The following SLX9 variants were observed in gnomAD, a reference collection of about 807,000 sequenced individuals.
SLX9 encodes SLX9 ribosome biogenesis factor, also known as ribosome biogenesis protein SLX9 homolog.
Under a neutral mutation model 20.8 loss-of-function variants are expected in SLX9, and 19 were observed. The ratio of observed to expected loss-of-function variants is 0.91; its 90% CI spans 0.64 to 1.34. SLX9 has a LOEUF of 1.34. SLX9 is among the 40% of genes most tolerant of loss of function. The pLI is 0.00. For synonymous variants in SLX9, 113 were observed against 137.1 expected, an observed-to-expected ratio of 0.82 and a Z score of 1.23; for missense variants, 299 against 322.2, an observed-to-expected ratio of 0.93 and a Z score of 0.55.
intron 2 of SLX9, among the ~76,000 whole-genome samples, chr21:44,949,574 C>G (rs1351877165): frequency 6.6e-6 from 1 of 152,202 alleles, no homozygotes; most frequent in Non-Finnish European, 1.5e-5. Flanking sequence ...CAGAGGCCTA[C>G]TCTTAGACGC....
chr21:44,950,520 G>C (rs577609861), intron 2 of SLX9, among the ~76,000 whole-genome samples: 76 of 152,308 alleles, frequency 5.0e-4, no homozygotes, highest in African/African-American at 1.7e-3. Flanking sequence ...GAGTGTGGCC[G>C]TGCCAGCCGG....
intron 2 of SLX9, among the ~76,000 whole-genome samples, chr21:44,950,836 T>A (rs1037463316): frequency 4.6e-5 from 7 of 151,894 alleles, no homozygotes; most frequent in Admixed American, 2.6e-4. Flanking sequence ...TGCGATCAGC[T>A]CCTTCATCTG....
Position 44,949,620 on chromosome 21 carries a change from C to T in SLX9, c.283+5783C>T, listed in dbSNP as rs547164339. Among the ~76,000 whole-genome samples, 5 of 152,306 alleles carry T rather than the reference C, an allele frequency of 3.3e-5. No homozygotes were observed. In the South Asian group the frequency reaches 8.3e-4, roughly 25 times the overall value. On this transcript the variant is annotated intron_variant, in intron 2 of 5. Transcript: ENST00000291634. ...GCACCCACCGCCGCCATTGCTGCTC[C>T]GGCAGCCACTCCTGCCGCTTCTGCC...
At chr21:44,951,710 C>T (rs181330334) in intron 2 of SLX9, among the ~76,000 whole-genome samples, 3 of 152,244 alleles carry the variant, frequency 2.0e-5, no homozygotes, top group East Asian at 1.9e-4. Flanking sequence ...TCTCACTGCC[C>T]GAGGGCACTG....
At position 44,971,496 on chromosome 21, in the gene SLX9, A is replaced by T. The variant is rs558473711; in HGVS notation, c.501-1701A>T. Among the ~76,000 whole-genome samples the T allele has an allele frequency of 2.0e-5, 3 of 152,226 alleles. No individual in the cohort carries two copies. The East Asian group carries it at 5.8e-4, about 29-fold the overall frequency. ...CCGCGCCTGGCCTCATGGGCACTGCAGCCACCCTGGGTGCAGCTCCTCTGC... is the reference window on the plus strand; with the variant it reads ...CCGCGCCTGGCCTCATGGGCACTGCTGCCACCCTGGGTGCAGCTCCTCTGC... On this transcript the variant is annotated intron_variant, in intron 4 of 5. Coordinates refer to ENST00000291634, the MANE Select transcript of SLX9 (RefSeq NM_058190.4).
At chr21:44,973,057 G>A in intron 4 of SLX9, 140 bp from the exon 5 acceptor site, 1 of 433,596 alleles carries the variant, frequency 2.3e-6, no homozygotes, top group Non-Finnish European at 3.2e-6. Flanking sequence ...GTGCAGCTTG[G>A]AACTTGTGGT....
intron 2 of SLX9, among the ~76,000 whole-genome samples, chr21:44,955,256 G>C (rs1002290442): frequency 1.5e-5 from 2 of 129,454 alleles, no homozygotes; most frequent in African/African-American, 9.4e-5. Flanking sequence ...GAGAGAGACA[G>C]GGGCCCTCCC....
At chr21:44,963,169 A>G (rs1601407494) in intron 3 of SLX9, among the ~76,000 whole-genome samples, 1 of 151,604 alleles carries the variant, frequency 6.6e-6, no homozygotes, top group South Asian at 2.1e-4. Context: ...GCTCACTGCA[A>G]GCAACACCTC....
At chr21:44,969,166 G>T (rs772800057) in intron 4 of SLX9, 4 of 470,674 alleles carry the variant, frequency 8.5e-6, no homozygotes, top group East Asian at 1.4e-4. Context: ...TGGCCCAGCT[G>T]CCCAGGCTCG....
At chr21:44,943,960 A>T (rs1297259530) in intron 2 of SLX9, 123 bp downstream of exon 2, 1 of 1,365,870 alleles carries the variant, frequency 7.3e-7, no homozygotes, top group African/African-American at 1.4e-5. Flanking sequence ...TGAGCAAGGG[A>T]TGCCCCTGGC....
At chr21:44,955,207 CAAA>C (rs560489212) in intron 2 of SLX9, among the ~76,000 whole-genome samples, 2 of 138,764 alleles carry the variant, frequency 1.4e-5, no homozygotes, top group Non-Finnish European at 1.6e-5. Context: ...GACTTTGTCT[CAAA>C]AAAAAAAAAA....
At chr21:44,973,005 G>T in intron 4 of SLX9, 192 bp from the exon 5 acceptor site, 1 of 692,774 alleles carries the variant, frequency 1.4e-6, no homozygotes. Flanking sequence ...AGGACGGTCA[G>T]GCAGTTGCAC....
intron 2 of SLX9, among the ~76,000 whole-genome samples, chr21:44,959,499 C>T (rs905469979): frequency 1.1e-4 from 17 of 152,178 alleles, no homozygotes; most frequent in East Asian, 3.9e-4. Context: ...CTCCTTTCCC[C>T]GCCCACCGGG....
At chr21:44,967,234 C>T (rs942000719) in intron 4 of SLX9, 53 bp downstream of exon 4, 9 of 1,525,526 alleles carry the variant, frequency 5.9e-6, no homozygotes, top group Middle Eastern at 2.0e-4. Context: ...GACCCGGGTC[C>T]AGAGGTGGAG....
intron 4 of SLX9, chr21:44,969,383 C>T (rs927753087): frequency 5.3e-6 from 2 of 374,862 alleles, no homozygotes; most frequent in African/African-American, 2.1e-5. Context: ...ATGTGCTTGG[C>T]GCTCCCAGAA....
intron 3 of SLX9, among the ~76,000 whole-genome samples, chr21:44,961,380 A>G (rs2084947344): frequency 6.6e-6 from 1 of 152,216 alleles, no homozygotes; most frequent in Non-Finnish European, 1.5e-5. Flanking sequence ...GGAGTTTCAG[A>G]CTAGCCTGGG....
intron 2 of SLX9, among the ~76,000 whole-genome samples, chr21:44,950,154 C>A (rs1158869803): frequency 6.6e-6 from 1 of 151,630 alleles, no homozygotes; most frequent in African/African-American, 2.4e-5. Flanking sequence ...CCTTGCCCCA[C>A]CCTGCCTGTG....
At chr21:44,965,132 C>A (rs55633511) in intron 3 of SLX9, among the ~76,000 whole-genome samples, 11,879 of 152,182 alleles carry the variant, frequency 0.078, 1,532 homozygotes, top group African/African-American at 0.27. Context: ...GTTTTTAAAA[C>A]ATAAAGTTTA....
In SLX9 at chr21:44,967,075, G is replaced by A; in HGVS notation, c.394G>A (p.Glu132Lys). The stretch of plus-strand genomic sequence containing the variant: ...ACTGGCTGAGCAGAAGCACAGGGAG[G>A]AGCGGAGGCGGAGGGCCACGGTGGT... ...IKLAEQKHRE[E>K]RRRRATVVVG... Residue 132 changes from glutamate to lysine, a missense_variant, in exon 4 of 6, where the codon GAG becomes AAG. Physicochemically the swap from Glu to Lys is moderately conservative, Grantham distance 56. Coordinates refer to ENST00000291634, the MANE Select transcript of SLX9 (RefSeq NM_058190.4). 1.9e-6 allele frequency: 3 copies of A among 1,611,738 alleles called. No individual in the cohort carries two copies. In the South Asian group the frequency reaches 3.3e-5, roughly 18 times the overall value.
Sources: allele counts gnomAD v4.1 joint callset (sites outside exome capture counted in the v4.1 genomes callset), GRCh38; gene constraint gnomAD v4.1.1; transcripts MANE v1.5; gene names NCBI Gene and HGNC (gene_info 2026-07-23, HGNC 2026-07-21).